Variants in MAEL observed in about 807,000 individuals in gnomAD.
MAEL encodes the protein maelstrom spermatogenic transposon silencer, also known as protein maelstrom homolog.
A neutral mutation model predicts 62.0 loss-of-function variants in MAEL; 46 were observed. That is an observed-to-expected ratio of 0.74 (90% CI 0.59 to 0.95). MAEL has a LOEUF of 0.95. Ranked by LOEUF, MAEL falls within the 40% of genes least tolerant of loss-of-function variation. MAEL has a pLI of 0.00. For synonymous variants in MAEL, 172 were observed against 175.5 expected, an observed-to-expected ratio of 0.98 and a Z score of 0.16; for missense variants, 497 against 526.8, an observed-to-expected ratio of 0.94 and a Z score of 0.55.
At chr1:167,009,375 T>G (rs1247245630) in intron 8 of MAEL, among the ~76,000 whole-genome samples, 1 of 152,304 alleles carries the variant, frequency 6.6e-6, no homozygotes, top group Non-Finnish European at 1.5e-5. Flanking sequence ...TGTGTGTTCC[T>G]TTTGTGAAAT....
In MAEL at chr1:167,021,832, A is replaced by G; in HGVS notation, c.1282A>G (p.Lys428Glu). The change falls in exon 12 of 12, where the codon AAA (lysine) becomes GAA (glutamate). Residue 428 changes from lysine to glutamate, a missense_variant. Physicochemically the swap from Lys to Glu is moderately conservative, Grantham distance 56. Transcript: ENST00000367872. ...SPYMSQKDGY[K>E]SFSSLS is the part of the protein sequence containing the mutation. The stretch of plus-strand genomic sequence containing the variant: ...TTACATGTCCCAAAAAGATGGATAC[A>G]AATCTTTCTCTTCCTTATCTTAATG... 6.2e-7 allele frequency: 1 copy of G among 1,608,744 alleles called. No individual in the cohort carries two copies. Among genetic ancestry groups the G allele is most frequent in the Non-Finnish European group, 8.5e-7 (1 of 1,176,790 alleles).
At position 167,022,136 on chromosome 1, in the gene MAEL, C is replaced by A; in HGVS notation, c.*281C>A. The A allele has an allele frequency of 3.4e-6, 1 of 293,142 alleles. No homozygotes were observed. The highest frequency in any genetic ancestry group is 6.3e-6 in the Non-Finnish European group (1 of 158,194). 18.2% of individuals were successfully genotyped at this position (293,142 alleles called of 1,614,324 possible). Reference sequence around the variant, plus strand: ...CAAAACTGACATTTTTAGAGTTGTACTTTTGGGAATGTTATAGATTGATCA... The same window carrying A: ...CAAAACTGACATTTTTAGAGTTGTAATTTTGGGAATGTTATAGATTGATCA... On this transcript the variant is annotated 3_prime_UTR_variant, in exon 12 of 12. Coordinates refer to ENST00000367872, the MANE Select transcript of MAEL (RefSeq NM_032858.3).
At chr1:166,983,819 T>C (rs935153208) in intron 1 of MAEL, among the ~76,000 whole-genome samples, 1 of 151,782 alleles carries the variant, frequency 6.6e-6, no homozygotes, top group African/African-American at 2.4e-5. Context: ...CTGGGCAACA[T>C]GGCAAAACCC....
At chr1:166,983,694 G>GA (rs926282275) in intron 1 of MAEL, among the ~76,000 whole-genome samples, 28 of 151,842 alleles carry the variant, frequency 1.8e-4, no homozygotes, top group African/African-American at 6.3e-4. Flanking sequence ...AAGTAAAATA[G>GA]AAAAAAAATC....
At chr1:167,001,905 C>T (rs904787099) in intron 5 of MAEL, among the ~76,000 whole-genome samples, 5 of 152,210 alleles carry the variant, frequency 3.3e-5, no homozygotes, top group Non-Finnish European at 5.9e-5. Context: ...CCTCAGCCTC[C>T]TGAGTAGCTG....
chr1:166,992,874 C>A (rs756569680), intron 4 of MAEL, 33 bp downstream of exon 4: 1 of 1,509,056 alleles, frequency 6.6e-7, no homozygotes, highest in South Asian at 1.3e-5. Flanking sequence ...AGATCTTAAA[C>A]GTGTATGGTT....
rs556507139 is a variant in MAEL at position 167,002,780 on chromosome 1, T to C, written c.524-1400T>C. On this transcript the variant is annotated intron_variant, in intron 5 of 11. Coordinates refer to ENST00000367872, the MANE Select transcript of MAEL (RefSeq NM_032858.3). ...ATGGAAGCCAGAAGACAATGGAATA[T>C]TTTTTTAATTATAAATTTTTATGTA... Among the ~76,000 whole-genome samples, 11 of 152,296 alleles carry C rather than the reference T, an allele frequency of 7.2e-5. No homozygotes were observed. The East Asian group carries it at 2.1e-3, about 29-fold the overall frequency.
chr1:166,993,667 G>A (rs1002945046), intron 4 of MAEL, among the ~76,000 whole-genome samples: 1 of 152,106 alleles, frequency 6.6e-6, no homozygotes, highest in Non-Finnish European at 1.5e-5. Flanking sequence ...GATAGAATTT[G>A]GGGACTGTTT....
intron 5 of MAEL, among the ~76,000 whole-genome samples, chr1:166,997,584 T>C (rs1664484124): frequency 6.6e-6 from 1 of 152,142 alleles, no homozygotes. Context: ...GGCTGGAGCA[T>C]GATGGCTGTT....
intron 5 of MAEL, among the ~76,000 whole-genome samples, chr1:167,001,298 A>G (rs1001839557): frequency 1.3e-5 from 2 of 152,086 alleles, no homozygotes; most frequent in African/African-American, 4.8e-5. Context: ...AAAGACTACA[A>G]ATTGGGTTCG....
chr1:167,017,231 A>G (rs1421519713), intron 9 of MAEL, among the ~76,000 whole-genome samples: 1 of 152,200 alleles, frequency 6.6e-6, no homozygotes, highest in Non-Finnish European at 1.5e-5. Flanking sequence ...GCTTGTATCA[A>G]AACATCTTAT....
chr1:166,998,740 A>AT (rs1664533605), intron 5 of MAEL, among the ~76,000 whole-genome samples: 2 of 151,946 alleles, frequency 1.3e-5, no homozygotes, highest in Admixed American at 6.6e-5. Flanking sequence ...CATATATTGC[A>AT]TTTTTTTACA....
intron 11 of MAEL, 40 bp from the exon 12 acceptor site, chr1:167,021,628 A>G: frequency 3.6e-6 from 5 of 1,386,140 alleles, no homozygotes; most frequent in Non-Finnish European, 4.9e-6. Context: ...TAAAATTATA[A>G]AATTGCTATA....
rs185650301 is a variant in MAEL, at chr1:167,006,094, G to C, written c.845+697G>C. The C allele has an allele frequency of 2.6e-4, 39 of 152,250 alleles. 1 individual carries two copies. The highest frequency in any genetic ancestry group is 3.4e-3 in the Middle Eastern group (1 of 294). 9.4% of individuals were successfully genotyped at this position (152,250 alleles called of 1,614,324 possible). On this transcript the variant is annotated intron_variant, in intron 8 of 11. Coordinates refer to ENST00000367872, the MANE Select transcript of MAEL (RefSeq NM_032858.3). ...CTGTAGGCTTTTACTGTGTGAGTGC[G>C]TGCGTGTGTGTGTGTGTATAGAACA...
intron 5 of MAEL, 24 bp downstream of exon 5, chr1:166,994,093 G>C (rs1485877446): frequency 6.2e-7 from 1 of 1,605,140 alleles, no homozygotes; most frequent in East Asian, 2.2e-5. Flanking sequence ...AATGGGGTAG[G>C]ATTTGTGACT....
intron 1 of MAEL, among the ~76,000 whole-genome samples, chr1:166,982,388 G>T (rs1255514574): frequency 1.3e-5 from 2 of 152,164 alleles, no homozygotes; most frequent in Non-Finnish European, 2.9e-5. Context: ...GATAATCATG[G>T]AATCTATTTC....
chr1:166,990,021 A>G, intron 2 of MAEL, 192 bp downstream of exon 2: 1 of 575,376 alleles, frequency 1.7e-6, no homozygotes. Flanking sequence ...CAACTAGGGC[A>G]TGCACACATT....
intron 5 of MAEL, among the ~76,000 whole-genome samples, chr1:167,001,580 A>G (rs1664670149): frequency 6.6e-6 from 1 of 152,344 alleles, no homozygotes; most frequent in Admixed American, 6.5e-5. Flanking sequence ...TTTAGAGTAC[A>G]TAACATTTAT....
upstream of MAEL, among the ~76,000 whole-genome samples, chr1:166,988,112 G>A (rs779287201): frequency 1.3e-5 from 2 of 152,072 alleles, no homozygotes; most frequent in African/African-American, 2.4e-5. Flanking sequence ...CACTCTGGGA[G>A]GCCTAGGCAG....
Sources: allele counts gnomAD v4.1 joint callset (sites outside exome capture counted in the v4.1 genomes callset), GRCh38; gene constraint gnomAD v4.1.1; transcripts MANE v1.5; gene names NCBI Gene and HGNC (gene_info 2026-07-23, HGNC 2026-07-21).